The following IL19 variants were observed in gnomAD, a reference collection of about 807,000 sequenced individuals.
The protein encoded by IL19 is interleukin-19.
In IL19, 15 loss-of-function variants were observed where a neutral mutation model predicts 19.5. The ratio of observed to expected loss-of-function variants is 0.77; its 90% CI spans 0.52 to 1.19. The LOEUF is 1.19. Among genes scored for constraint, IL19 ranks in the 50% most tolerant of loss-of-function variants. The probability of loss-of-function intolerance (pLI) is 0.00; values close to 1 mark genes in which losing one functional copy is unlikely to be tolerated. For missense variants in IL19, 199 were observed against 213.1 expected (o/e 0.93, Z 0.41); for synonymous variants, 78 against 78.3 (o/e 1.00, Z 0.02).
At chr1:206,789,584 A>T (rs1675345098) in intron 1 of IL19, among the ~76,000 whole-genome samples, 1 of 151,856 alleles carries the variant, frequency 6.6e-6, no homozygotes, top group Non-Finnish European at 1.5e-5. Context: ...TTTATGTTTC[A>T]GTAGTTTTTT....
At chr1:206,820,578 G>A (rs1253527868) in intron 2 of IL19, among the ~76,000 whole-genome samples, 1 of 152,180 alleles carries the variant, frequency 6.6e-6, no homozygotes, top group Non-Finnish European at 1.5e-5. Context: ...GTGGTTGTTT[G>A]ATAATTTGTT....
chr1:206,835,588 C>T (rs1376901996), intron 2 of IL19, among the ~76,000 whole-genome samples: 1 of 152,214 alleles, frequency 6.6e-6, no homozygotes, highest in African/African-American at 2.4e-5. Context: ...ACAGTCCTCG[C>T]AGCTGGCTCC....
chr1:206,818,134 T>C (rs985149911), intron 2 of IL19, among the ~76,000 whole-genome samples: 2 of 152,216 alleles, frequency 1.3e-5, no homozygotes, highest in Non-Finnish European at 2.9e-5. Flanking sequence ...TTAGCAAGGA[T>C]ATAGTAGACT....
chr1:206,774,181 G>T (rs1674934789), intron 1 of IL19, among the ~76,000 whole-genome samples: 1 of 152,216 alleles, frequency 6.6e-6, no homozygotes, highest in African/African-American at 2.4e-5. Context: ...CCACCCTGTG[G>T]ATGTCCCTGC....
chr1:206,833,646 A>G (rs1418212249), intron 2 of IL19: 2 of 984,900 alleles, frequency 2.0e-6, no homozygotes, highest in African/African-American at 3.5e-5. Context: ...AGAGTCTTCT[A>G]GCCCAAGAAT....
intron 2 of IL19, among the ~76,000 whole-genome samples, chr1:206,824,488 G>A (rs1043338351): frequency 2.0e-5 from 3 of 152,146 alleles, no homozygotes; most frequent in Non-Finnish European, 1.5e-5. Context: ...TGCATCTGCC[G>A]ATTCAAAAAC....
intron 1 of IL19, among the ~76,000 whole-genome samples, chr1:206,783,663 G>C (rs1035426588): frequency 6.6e-6 from 1 of 152,138 alleles, no homozygotes. Flanking sequence ...CCTACCCTGG[G>C]TCCAAGTGTT....
intron 1 of IL19, among the ~76,000 whole-genome samples, chr1:206,779,997 CCT>C (rs1360970917): frequency 1.3e-5 from 2 of 151,958 alleles, no homozygotes; most frequent in Non-Finnish European, 2.9e-5. Context: ...TGATTTATCC[CCT>C]CTCTCTCCTA....
intron 6 of IL19, among the ~76,000 whole-genome samples, chr1:206,841,860 T>C (rs1414007090): frequency 6.6e-6 from 1 of 152,218 alleles, no homozygotes; most frequent in Admixed American, 6.5e-5. Context: ...TTGGATACAT[T>C]AAGAAACTGA....
chr1:206,840,903 G>A (rs1676994177), intron 5 of IL19, 101 bp from the exon 6 acceptor site: 1 of 924,316 alleles, frequency 1.1e-6, no homozygotes, highest in Admixed American at 1.9e-5. Flanking sequence ...CTCTCACTGT[G>A]GGAGGGAGGA....
intron 1 of IL19, among the ~76,000 whole-genome samples, chr1:206,797,365 A>T (rs1165947435): frequency 5.3e-5 from 8 of 152,094 alleles, no homozygotes; most frequent in African/African-American, 1.9e-4. Context: ...CTAAGCAGAC[A>T]CATGGACGTC....
chr1:206,840,243 TTATGTCAACA>T (rs1365376694), intron 5 of IL19: 1 of 664,896 alleles, frequency 1.5e-6, no homozygotes, highest in Admixed American at 2.1e-5. Context: ...GGTGACCAAC[TTATGTCAACA>T]TATTCCTTAG....
chr1:206,783,661 G>C (rs998629862), intron 1 of IL19, among the ~76,000 whole-genome samples: 1 of 152,148 alleles, frequency 6.6e-6, no homozygotes, highest in Non-Finnish European at 1.5e-5. Context: ...GCCCTACCCT[G>C]GGTCCAAGTG....
At chr1:206,784,630 C>G (rs1376930597) in intron 1 of IL19, among the ~76,000 whole-genome samples, 1 of 152,110 alleles carries the variant, frequency 6.6e-6, no homozygotes, top group Non-Finnish European at 1.5e-5. Flanking sequence ...TAGGGGAGGA[C>G]GTGATGCTGC....
At chr1:206,801,304 T>C (rs1675676235) in intron 2 of IL19, among the ~76,000 whole-genome samples, 1 of 152,170 alleles carries the variant, frequency 6.6e-6, no homozygotes, top group Non-Finnish European at 1.5e-5. Context: ...CTGCTCCTGC[T>C]CTGGAATGTT....
intron 2 of IL19, among the ~76,000 whole-genome samples, chr1:206,828,612 C>T (rs1251144197): frequency 1.3e-5 from 2 of 152,040 alleles, no homozygotes; most frequent in Non-Finnish European, 2.9e-5. Context: ...ACATTTGAAC[C>T]CAATACCATT....
intron 1 of IL19, among the ~76,000 whole-genome samples, chr1:206,790,750 C>T (rs531999628): frequency 5.3e-5 from 8 of 152,268 alleles, no homozygotes; most frequent in African/African-American, 1.9e-4. Flanking sequence ...CCCCCCACTG[C>T]CCAGGACCAG....
chr1:206,826,219 A>T (rs1053711518), intron 2 of IL19, among the ~76,000 whole-genome samples: 2 of 152,216 alleles, frequency 1.3e-5, no homozygotes, highest in African/African-American at 2.4e-5. Flanking sequence ...TTTGAATTTT[A>T]GCCCTAAGCT....
intron 2 of IL19, among the ~76,000 whole-genome samples, chr1:206,817,240 G>A (rs12088191): frequency 0.013 from 2,052 of 152,248 alleles, 45 homozygotes; most frequent in African/African-American, 0.047. Flanking sequence ...AGATAACTGC[G>A]CATGCCTAAG....
Sources: allele counts gnomAD v4.1 joint callset (sites outside exome capture counted in the v4.1 genomes callset), GRCh38; gene constraint gnomAD v4.1.1; transcripts MANE v1.5; gene names NCBI Gene and HGNC (gene_info 2026-07-23, HGNC 2026-07-21).